The following XKR6 variants were observed in gnomAD, a reference collection of about 807,000 sequenced individuals.
XKR6 encodes XK-related protein 6.
Under a neutral mutation model 56.7 loss-of-function variants are expected in XKR6, and 22 were observed. The observed-to-expected ratio is 0.39, with a 90% confidence interval of 0.28 to 0.55. The LOEUF is 0.55. XKR6 is among the 20% of genes least tolerant of loss of function. The probability of loss-of-function intolerance (pLI) is 0.66; values close to 1 mark genes in which losing one functional copy is unlikely to be tolerated. For synonymous variants in XKR6, 524 were observed against 387.8 expected (o/e 1.35, Z -4.13); for missense variants, 852 against 889.0 (o/e 0.96, Z 0.53).
At chr8:11,096,846 A>C (rs1359020573) in intron 1 of XKR6, among the ~76,000 whole-genome samples, 1 of 152,264 alleles carries the variant, frequency 6.6e-6, no homozygotes, top group African/African-American at 2.4e-5. Flanking sequence ...AAGAATATGC[A>C]TACTCAAGAC....
At chr8:11,005,697 C>T (rs920813840) in intron 1 of XKR6, among the ~76,000 whole-genome samples, 10 of 151,986 alleles carry the variant, frequency 6.6e-5, no homozygotes, top group African/African-American at 2.4e-4. Context: ...AATTTGCTAG[C>T]AAAAATATTA....
chr8:10,992,736 A>G (rs901848401), intron 1 of XKR6, among the ~76,000 whole-genome samples: 2 of 152,174 alleles, frequency 1.3e-5, no homozygotes, highest in Non-Finnish European at 2.9e-5. Flanking sequence ...CACCAAGTCA[A>G]TTCTGCATCT....
chr8:10,939,912 C>T (rs1469942900), intron 1 of XKR6, among the ~76,000 whole-genome samples: 1 of 152,212 alleles, frequency 6.6e-6, no homozygotes, highest in Admixed American at 6.5e-5. Flanking sequence ...TTCGGGGGTC[C>T]ACAGCAGCCA....
chr8:11,036,671 C>T (rs1341836359), intron 1 of XKR6, among the ~76,000 whole-genome samples: 1 of 152,218 alleles, frequency 6.6e-6, no homozygotes, highest in Non-Finnish European at 1.5e-5. Context: ...GGTGAGTGTT[C>T]TTTGGAGGGT....
At chr8:10,966,772 GA>G (rs933283575) in intron 1 of XKR6, among the ~76,000 whole-genome samples, 2 of 152,174 alleles carry the variant, frequency 1.3e-5, no homozygotes, top group African/African-American at 4.8e-5. Context: ...TGGGGCCCAG[GA>G]AACCAGGTTT....
intron 1 of XKR6, among the ~76,000 whole-genome samples, chr8:10,932,221 G>A (rs141643163): frequency 1.3e-5 from 2 of 152,102 alleles, no homozygotes; most frequent in African/African-American, 2.4e-5. Context: ...GTGCTGTCAC[G>A]AATACAGAGC....
At chr8:10,938,060 G>C (rs1294803077) in intron 1 of XKR6, among the ~76,000 whole-genome samples, 1 of 152,198 alleles carries the variant, frequency 6.6e-6, no homozygotes, top group Non-Finnish European at 1.5e-5. Flanking sequence ...GAGACTCCGT[G>C]GGCGTAGGAC....
intron 1 of XKR6, among the ~76,000 whole-genome samples, chr8:11,177,556 T>C (rs1360656467): frequency 7.4e-6 from 1 of 135,746 alleles, no homozygotes; most frequent in Non-Finnish European, 1.7e-5. Flanking sequence ...TGTAGTAACT[T>C]AAGGTGAGGT....
intron 1 of XKR6, among the ~76,000 whole-genome samples, chr8:10,949,030 T>G (rs1801635400): frequency 6.6e-6 from 1 of 152,060 alleles, no homozygotes; most frequent in East Asian, 1.9e-4. Flanking sequence ...AGGCCACATC[T>G]CCACTGAGTG....
chr8:10,930,746 C>T (rs1722762223), intron 1 of XKR6, among the ~76,000 whole-genome samples: 1 of 152,168 alleles, frequency 6.6e-6, no homozygotes, highest in South Asian at 2.1e-4. Context: ...TTAATTTTCT[C>T]AGCAAACTAG....
At chr8:11,105,122 A>C (rs1393828578) in intron 1 of XKR6, 1 of 152,186 alleles carries the variant, frequency 6.6e-6, no homozygotes, top group Non-Finnish European at 1.5e-5. Flanking sequence ...GATAAAGAAA[A>C]GCAAATAGGT....
chr8:11,162,905 G>T (rs977563717), intron 1 of XKR6, among the ~76,000 whole-genome samples: 4 of 152,196 alleles, frequency 2.6e-5, no homozygotes, highest in Admixed American at 6.5e-5. Flanking sequence ...GGAGTTCACA[G>T]AAATTTTTGC....
chr8:11,126,024 A>G (rs3021494), intron 1 of XKR6: 89,267 of 151,996 alleles, frequency 0.59, 29,552 homozygotes, highest in African/African-American at 0.88. Context: ...GCTCTTCTAT[A>G]ACCTATACTT....
At chr8:11,173,090 C>T (rs764955466) in intron 1 of XKR6, among the ~76,000 whole-genome samples, 1 of 151,600 alleles carries the variant, frequency 6.6e-6, no homozygotes, top group South Asian at 2.1e-4. Flanking sequence ...AATCCCAGCA[C>T]TTTGGGAGGC....
chr8:11,172,747 A>G (rs762232733), intron 1 of XKR6, among the ~76,000 whole-genome samples: 1 of 152,110 alleles, frequency 6.6e-6, no homozygotes, highest in Non-Finnish European at 1.5e-5. Context: ...CCTTTACTCC[A>G]TGGTTTTCTC....
At chr8:11,054,490 A>T (rs1799631769) in intron 1 of XKR6, among the ~76,000 whole-genome samples, 1 of 152,200 alleles carries the variant, frequency 6.6e-6, no homozygotes, top group Admixed American at 6.5e-5. Context: ...CTTATCTGAG[A>T]GTGCATGGGT....
At position 11,108,753 on chromosome 8, in the gene XKR6, C is replaced by A. The variant is rs888095024; in HGVS notation, c.764+91823G>T. ...CCACAGATGGGCGCGAGAACAGAGT[C>A]AGATCACCGGCCAAGGTAAAATGAA... is the stretch of plus-strand genomic sequence containing the variant. On this transcript the variant is annotated intron_variant, in intron 1 of 2. Transcript: ENST00000416569. 1.7e-5 allele frequency: 3 copies of A among 181,042 alleles called. No homozygotes were observed. The South Asian group carries it at 3.7e-4, about 23-fold the overall frequency. 11.2% of individuals were successfully genotyped at this position (181,042 alleles called of 1,614,324 possible).
intron 1 of XKR6, among the ~76,000 whole-genome samples, chr8:11,062,214 G>T (rs998136478): frequency 1.6e-4 from 24 of 152,160 alleles, no homozygotes; most frequent in African/African-American, 3.9e-4. Context: ...GGCGCTGGGG[G>T]AAGTGGACCA....
At chr8:11,077,082 A>G (rs1260614151) in intron 1 of XKR6, among the ~76,000 whole-genome samples, 1 of 152,140 alleles carries the variant, frequency 6.6e-6, no homozygotes. Context: ...AGGCTGAGGC[A>G]GAAGGATCAC....
Sources: allele counts gnomAD v4.1 joint callset (sites outside exome capture counted in the v4.1 genomes callset), GRCh38; gene constraint gnomAD v4.1.1; transcripts MANE v1.5; gene names NCBI Gene and HGNC (gene_info 2026-07-23, HGNC 2026-07-21).